GRIA2: variants seen among roughly 807,000 people sequenced by gnomAD.
GRIA2 encodes glutamate ionotropic receptor AMPA type subunit 2.
Under a neutral mutation model 97.3 loss-of-function variants are expected in GRIA2, and 14 were observed. The ratio of observed to expected loss-of-function variants is 0.14; its 90% confidence interval spans 0.10 to 0.23. The LOEUF is 0.23. GRIA2 is among the 10% of genes least tolerant of loss of function. The pLI is 1.00. For missense variants in GRIA2, 558 were observed against 1,069.8 expected (o/e 0.52, Z 6.67); for synonymous variants, 412 against 387.8 (o/e 1.06, Z -0.73).
chr4:157,230,598 C>A (rs1729964072), intron 2 of GRIA2, among the ~76,000 whole-genome samples: 1 of 146,222 alleles, frequency 6.8e-6, no homozygotes, highest in South Asian at 2.2e-4. Context: ...TTCCTTCCTT[C>A]TTCCTTCCCT....
At position 157,221,003 on chromosome 4, in the gene GRIA2, A is replaced by G. The variant is rs1232517313; in HGVS notation, c.-40A>G. 1.0e-6 allele frequency: 1 copy of G among 996,534 alleles called. No individual in the cohort carries two copies. The highest frequency in any genetic ancestry group is 2.4e-5 in the East Asian group (1 of 42,124). 61.7% of individuals were successfully genotyped at this position (996,534 alleles called of 1,614,324 possible). A position where few individuals can be genotyped will look rare whatever the true frequency, so the allele number is the denominator to read the frequency against. On this transcript the variant is annotated 5_prime_UTR_variant, in exon 1 of 16. Transcript: ENST00000264426. ...AAGAAGGAAGAGGAGGAAAAGGAAA[A>G]AAAAAGGGGTATATTGTGGATGCTC...
Position 157,333,303 on chromosome 4 carries a change from A to G in GRIA2, c.1105A>G (p.Ile369Val). 1 of 1,604,476 alleles carries G rather than the reference A, an allele frequency of 6.2e-7. No homozygotes were observed. The highest frequency in any genetic ancestry group is 8.5e-7 in the Non-Finnish European group (1 of 1,173,454). ...AAAGTTTGACCAGAATGGAAAAAGA[A>G]TAAACTATACAATTAACATCATGGA... is the stretch of plus-strand genomic sequence containing the variant. ...NIKFDQNGKR[I>V]NYTINIMELK... Residue 369 changes from isoleucine (I) to valine (V), a missense_variant, in exon 8 of 16, where the codon ATA becomes GTA. Around this residue, in one of 8 missense-constraint regions of GRIA2, gnomAD observed 66 missense variants for 118.7 expected, o/e 0.56. Transcript: ENST00000264426.
At chr4:157,242,875 G>A (rs958284894) in intron 2 of GRIA2, among the ~76,000 whole-genome samples, 7 of 152,040 alleles carry the variant, frequency 4.6e-5, no homozygotes, top group African/African-American at 1.7e-4. Context: ...CAAGCCTGAA[G>A]GGAGCTAATC....
chr4:157,281,393 T>G (rs965706386), intron 2 of GRIA2, among the ~76,000 whole-genome samples: 2 of 152,126 alleles, frequency 1.3e-5, no homozygotes, highest in Admixed American at 1.3e-4. Flanking sequence ...GTGAGTAGCT[T>G]TCTCAGCCTG....
At chr4:157,323,064 A>G (rs930061467) in intron 6 of GRIA2, among the ~76,000 whole-genome samples, 1 of 152,008 alleles carries the variant, frequency 6.6e-6, no homozygotes, top group Non-Finnish European at 1.5e-5. Context: ...GGCCGGGCGC[A>G]GTGGCTCACG....
intron 12 of GRIA2, among the ~76,000 whole-genome samples, chr4:157,348,590 C>T (rs543688427): frequency 4.7e-4 from 71 of 152,086 alleles, no homozygotes; most frequent in South Asian, 1.2e-3. Context: ...CAAGCAATGA[C>T]AAATATTATC....
In GRIA2 at chr4:157,362,783, C is replaced by T; in HGVS notation, c.2407-16C>T. On this transcript the variant is annotated splice_polypyrimidine_tract_variant and intron_variant, in intron 14 of 15. Coordinates refer to ENST00000264426, the MANE Select transcript of GRIA2 (RefSeq NM_001083619.3). ...GTTTGCCTTCCTAATAACCTCTTCTCATATACATTCTTTAGGAAAAGACCA... is the reference window on the plus strand; with the variant it reads ...GTTTGCCTTCCTAATAACCTCTTCTTATATACATTCTTTAGGAAAAGACCA... The T allele has an allele frequency of 1.9e-6, 3 of 1,605,318 alleles. No homozygotes were observed. The highest frequency in any genetic ancestry group is 1.7e-6 in the Non-Finnish European group (2 of 1,175,358).
intron 2 of GRIA2, among the ~76,000 whole-genome samples, chr4:157,291,668 T>C (rs1348642468): frequency 6.6e-6 from 1 of 152,172 alleles, no homozygotes; most frequent in South Asian, 2.1e-4. Flanking sequence ...ATTAATGGTA[T>C]ACTTTGTAGT....
At chr4:157,298,673 T>G (rs1733471646) in intron 2 of GRIA2, among the ~76,000 whole-genome samples, 2 of 149,036 alleles carry the variant, frequency 1.3e-5, no homozygotes, top group South Asian at 4.3e-4. Context: ...GAACGTTATA[T>G]TTTATCAAAA....
intron 2 of GRIA2, among the ~76,000 whole-genome samples, chr4:157,287,282 A>G (rs555937044): frequency 6.6e-6 from 1 of 151,834 alleles, no homozygotes; most frequent in Non-Finnish European, 1.5e-5. Context: ...CTGAATGCTT[A>G]TATTTTCAAT....
At chr4:157,348,228 G>A (rs568258069) in intron 12 of GRIA2, among the ~76,000 whole-genome samples, 1 of 152,264 alleles carries the variant, frequency 6.6e-6, no homozygotes, top group East Asian at 1.9e-4. Context: ...TGGTAAAGGT[G>A]GCTGCTATTT....
chr4:157,335,736 C>T lies in GRIA2; in HGVS notation c.1332C>T (p.Gly444=). The T allele has an allele frequency of 2.5e-6, 4 of 1,612,298 alleles. 1 individual carries two copies. The South Asian group carries it at 4.4e-5, about 18-fold the overall frequency. The change falls in exon 10 of 16, where the codon GGC becomes GGT. Residue 444 remains glycine, a synonymous_variant. Transcript: ENST00000264426. ...EMLEGNERYE[G]YCVDLAAEIA... is the part of the protein sequence containing the mutation. ...TTGAAGGCAATGAGCGCTATGAGGG[C>T]TACTGTGTTGACCTGGCTGCAGAAA...
chr4:157,240,136 A>C (rs1730439177), intron 2 of GRIA2, among the ~76,000 whole-genome samples: 1 of 152,166 alleles, frequency 6.6e-6, no homozygotes, highest in South Asian at 2.1e-4. Flanking sequence ...AAAATAATAA[A>C]TCATATACAC....
intron 2 of GRIA2, among the ~76,000 whole-genome samples, chr4:157,247,498 G>C (rs993225218): frequency 2.6e-5 from 4 of 152,104 alleles, no homozygotes; most frequent in African/African-American, 9.7e-5. Flanking sequence ...ATGTGAGATA[G>C]GGTCCAAGGA....
intron 2 of GRIA2, among the ~76,000 whole-genome samples, chr4:157,274,235 C>T (rs1175581392): frequency 6.6e-6 from 1 of 151,494 alleles, no homozygotes; most frequent in Non-Finnish European, 1.5e-5. Flanking sequence ...AGTTCCTCAT[C>T]AAGAAAGAAA....
At chr4:157,353,057 C>CA (rs1475024934) in intron 12 of GRIA2, among the ~76,000 whole-genome samples, 4 of 151,906 alleles carry the variant, frequency 2.6e-5, no homozygotes, top group Non-Finnish European at 5.9e-5. Context: ...GACTTCATCT[C>CA]AAAAAACAAA....
chr4:157,254,597 C>T (rs147404351), intron 2 of GRIA2, among the ~76,000 whole-genome samples: 1 of 151,982 alleles, frequency 6.6e-6, no homozygotes, highest in Non-Finnish European at 1.5e-5. Context: ...ATCCAGCAAA[C>T]ATGTTAAGAA....
chr4:157,258,867 C>T (rs892758036), intron 2 of GRIA2, among the ~76,000 whole-genome samples: 12 of 151,958 alleles, frequency 7.9e-5, no homozygotes, highest in Middle Eastern at 3.4e-3. Context: ...CGGGTTCCCC[C>T]GATAAGTTCC....
Position 157,349,045 on chromosome 4 carries a change from A to G in GRIA2, c.2043+7583A>G, listed in dbSNP as rs141689014. On this transcript the variant is annotated intron_variant, in intron 12 of 15. Coordinates refer to ENST00000264426, the MANE Select transcript of GRIA2 (RefSeq NM_001083619.3). ...ATGCAGACTTAAGCTAAATCCTTTT[A>G]TAAGGCAGACAGTGACTATTGATGG... is the stretch of plus-strand genomic sequence containing the variant. 2.6e-5 allele frequency among the ~76,000 whole-genome samples: 4 copies of G among 152,366 alleles called. No individual in the cohort carries two copies. In the East Asian group the frequency reaches 7.7e-4, roughly 29 times the overall value.
Sources: allele counts gnomAD v4.1 joint callset (sites outside exome capture counted in the v4.1 genomes callset), GRCh38; gene constraint gnomAD v4.1.1; regional missense constraint gnomAD v4.1.1; transcripts MANE v1.5; gene names NCBI Gene and HGNC (gene_info 2026-07-23, HGNC 2026-07-21).